SS18L2: variants seen among roughly 807,000 people sequenced by gnomAD.
SS18L2 encodes SS18 like 2.
Under a neutral mutation model 10.3 loss-of-function variants are expected in SS18L2, and 8 were observed. The ratio of observed to expected loss-of-function variants is 0.78; its 90% CI spans 0.46 to 1.41. The LOEUF is 1.41. Ranked by LOEUF, SS18L2 falls within the 40% of genes most tolerant of loss-of-function variation. The pLI is 0.00. For missense variants in SS18L2, 100 were observed against 96.2 expected (o/e 1.04, Z -0.17); for synonymous variants, 41 against 34.6 (o/e 1.19, Z -0.65).
chr3:42,590,740 G>A (rs1267140070), upstream of SS18L2: 8 of 794,798 alleles, frequency 1.0e-5, no homozygotes, highest in Non-Finnish European at 1.7e-5. Flanking sequence ...CTGGGACCGA[G>A]GAAAGCGCTG....
Position 42,594,560 on chromosome 3 carries a change from T to C in SS18L2, c.*51T>C, listed in dbSNP as rs759851007. 177 of 1,472,898 alleles carry C rather than the reference T, an allele frequency of 1.2e-4. No individual in the cohort carries two copies. Among genetic ancestry groups the C allele is most frequent in the Non-Finnish European group, 1.6e-4 (166 of 1,054,742 alleles). The allele number at this position is 1,472,898 out of a possible 1,614,324, so 91.2% of individuals were successfully genotyped here. On this transcript the variant is annotated 3_prime_UTR_variant, in exon 3 of 3. Transcript: ENST00000011691. ...TCCATTTGGCTGTCGTGAGGAGTAA[T>C]TGAATGTAATCCATCTCTTACAAAA...
chr3:42,591,950 C>T (rs7647335), intron 2 of SS18L2, among the ~76,000 whole-genome samples: 3,149 of 152,184 alleles, frequency 0.021, 125 homozygotes, highest in African/African-American at 0.071. Context: ...ATCTTGGATC[C>T]CTGCCTCATC....
intron 1 of SS18L2, among the ~76,000 whole-genome samples, chr3:42,584,075 T>G (rs1704528420): frequency 6.6e-6 from 1 of 152,188 alleles, no homozygotes; most frequent in South Asian, 2.1e-4. Flanking sequence ...CTTCTCAGCC[T>G]CCATAACTAT....
chr3:42,589,862 G>A (rs1486645295), upstream of SS18L2, among the ~76,000 whole-genome samples: 1 of 152,202 alleles, frequency 6.6e-6, no homozygotes, highest in Non-Finnish European at 1.5e-5. Flanking sequence ...AGTTGCAGTG[G>A]TCACCAGGAG....
chr3:42,590,929 G>A lies in SS18L2; in HGVS notation c.32G>A (p.Arg11Lys), dbSNP rs770333438. 1 of 1,613,476 alleles carries A rather than the reference G, an allele frequency of 6.2e-7. No individual in the cohort carries two copies. Among genetic ancestry groups the A allele is most frequent in the South Asian group, 1.1e-5 (1 of 91,044 alleles). Residue 11 changes from arginine to lysine, a missense_variant, in exon 1 of 3, where the codon AGG becomes AAG. Arg to Lys is a conservative substitution (Grantham distance 26, BLOSUM62 2). Transcript: ENST00000011691. The stretch of plus-strand genomic sequence containing the variant: ...GTGGCCTTCGTACCGGACTGGCTGA[G>A]GGGCAAGGCGGAAGTCAATCAAGAG... MSVAFVPDWL[R>K]GKAEVNQETI...
intron 2 of SS18L2, among the ~76,000 whole-genome samples, chr3:42,591,982 G>T (rs1704866332): frequency 6.6e-6 from 1 of 152,128 alleles, no homozygotes; most frequent in Non-Finnish European, 1.5e-5. Context: ...AAGTGAAGGG[G>T]TCAGGCCATT....
intron 2 of SS18L2, among the ~76,000 whole-genome samples, chr3:42,592,788 C>A (rs1284766973): frequency 6.6e-6 from 1 of 152,196 alleles, no homozygotes; most frequent in Non-Finnish European, 1.5e-5. Context: ...TTATCAAAAT[C>A]TCCTAGTGGG....
intron 2 of SS18L2, among the ~76,000 whole-genome samples, chr3:42,592,910 T>C (rs928169002): frequency 2.0e-5 from 3 of 152,174 alleles, no homozygotes; most frequent in Admixed American, 6.6e-5. Context: ...AAATGTTTTG[T>C]CCCTTCTTGA....
At chr3:42,585,390 T>C (rs1704577520) in intron 1 of SS18L2, among the ~76,000 whole-genome samples, 1 of 152,156 alleles carries the variant, frequency 6.6e-6, no homozygotes, top group Admixed American at 6.5e-5. Context: ...TCTTCAGTCC[T>C]CCACTCCTAG....
intron 1 of SS18L2, chr3:42,582,204 G>C (rs1286195568): frequency 6.6e-6 from 1 of 152,262 alleles, no homozygotes; most frequent in Non-Finnish European, 1.5e-5. Context: ...GCGGCGGTTT[G>C]AGATCCAAGC....
intron 1 of SS18L2, among the ~76,000 whole-genome samples, chr3:42,582,847 T>A (rs954518368): frequency 6.6e-6 from 1 of 151,950 alleles, no homozygotes; most frequent in Non-Finnish European, 1.5e-5. Flanking sequence ...CTTTGAGGGA[T>A]GAAAAGAAAC....
intron 2 of SS18L2, among the ~76,000 whole-genome samples, chr3:42,592,995 T>C (rs1016116280): frequency 1.1e-4 from 17 of 152,152 alleles, no homozygotes; most frequent in African/African-American, 4.1e-4. Flanking sequence ...TTCAAAAATA[T>C]TGGGGAGCAC....
chr3:42,589,539 T>C (rs1410491865), upstream of SS18L2, among the ~76,000 whole-genome samples: 1 of 152,114 alleles, frequency 6.6e-6, no homozygotes, highest in Non-Finnish European at 1.5e-5. Flanking sequence ...CGGTACCGCA[T>C]AGCAGGAGGT....
intron 1 of SS18L2, 197 bp from the exon 2 acceptor site, chr3:42,591,328 A>G: frequency 1.7e-6 from 1 of 595,160 alleles, no homozygotes; most frequent in Non-Finnish European, 3.0e-6. Context: ...CCTCCTGAGT[A>G]GCTGGGATTA....
upstream of SS18L2, among the ~76,000 whole-genome samples, chr3:42,585,888 C>G (rs944011132): frequency 6.6e-6 from 1 of 152,080 alleles, no homozygotes; most frequent in African/African-American, 2.4e-5. Flanking sequence ...CAGCTCTCCC[C>G]CAAAATCAAC....
At chr3:42,590,809 G>A (rs1704796997), upstream of SS18L2, 3 of 1,344,550 alleles carry the variant, frequency 2.2e-6, no homozygotes, top group South Asian at 3.5e-5. Flanking sequence ...CGCCCTGTAG[G>A]CGGGAGCATC....
At chr3:42,582,570 A>G (rs539372087) in intron 1 of SS18L2, among the ~76,000 whole-genome samples, 1 of 152,370 alleles carries the variant, frequency 6.6e-6, no homozygotes, top group South Asian at 2.1e-4. Context: ...GCTATGTGCC[A>G]GGGGTTGTGG....
In SS18L2 at chr3:42,594,766, G is replaced by C. The variant is rs1303856600; in HGVS notation, c.*257G>C. On this transcript the variant is annotated 3_prime_UTR_variant, in exon 3 of 3. Transcript: ENST00000011691. The stretch of plus-strand genomic sequence containing the variant: ...CCCAGGTGTCCTCTTTCCTGAACTT[G>C]GAGCATGTTTGGATAACAAAGACAT... 2 of 306,804 alleles carry C rather than the reference G, an allele frequency of 6.5e-6. No homozygotes were observed. The highest frequency in any genetic ancestry group is 1.2e-5 in the Non-Finnish European group (2 of 164,488). The allele number at this position is 306,804 out of a possible 1,614,324, so 19.0% of individuals were successfully genotyped here. A position where few individuals can be genotyped will look rare whatever the true frequency, so the allele number is the denominator to read the frequency against.
chr3:42,590,061 T>TA (rs1279386033), upstream of SS18L2, among the ~76,000 whole-genome samples: 1 of 152,164 alleles, frequency 6.6e-6, no homozygotes, highest in Non-Finnish European at 1.5e-5. Flanking sequence ...TCGTCATCTG[T>TA]AAAATGGAGA....
Sources: gnomAD v4.1 joint callset for allele counts (sites outside exome capture counted in the v4.1 genomes callset) on GRCh38, gnomAD v4.1.1 for gene constraint, MANE v1.5 for transcripts, NCBI Gene and HGNC (gene_info 2026-07-23, HGNC 2026-07-21) for gene names.